Variants in COL21A1 observed in about 807,000 individuals in gnomAD.
COL21A1 encodes the protein collagen type XXI alpha 1 chain, also known as collagen alpha-1(XXI) chain.
COL21A1 carries 149 observed loss-of-function variants against 137.9 expected under a neutral mutation model. The observed-to-expected ratio is 1.08, with a 90% CI of 0.95 to 1.24. The LOEUF (loss-of-function observed/expected upper bound fraction) is 1.24, where lower values mean the gene tolerates loss of function less well. COL21A1 is among the 50% of genes most tolerant of loss of function. The probability of loss-of-function intolerance (pLI) is 0.00; values close to 1 mark genes in which losing one functional copy is unlikely to be tolerated. For synonymous variants in COL21A1, 456 were observed against 391.5 expected (o/e 1.16, Z -1.95); for missense variants, 1,167 against 1,158.4 (o/e 1.01, Z -0.11).
At chr6:56,129,637 G>A (rs899787088) in intron 12 of COL21A1, among the ~76,000 whole-genome samples, 7 of 131,908 alleles carry the variant, frequency 5.3e-5, no homozygotes, top group Non-Finnish European at 1.2e-4. Flanking sequence ...TGTCACGTGC[G>A]TGCGTGTGTG....
chr6:56,188,694 G>A (rs1178973768), intron 1 of COL21A1, among the ~76,000 whole-genome samples: 1 of 152,216 alleles, frequency 6.6e-6, no homozygotes, highest in Non-Finnish European at 1.5e-5. Context: ...TGGGTCCCCA[G>A]TAGGGACCGA....
chr6:56,373,014 T>TAA (rs758684428), intron 1 of COL21A1, among the ~76,000 whole-genome samples: 2 of 143,314 alleles, frequency 1.4e-5, no homozygotes, highest in African/African-American at 2.6e-5. Flanking sequence ...GAAAGCAAAA[T>TAA]AAAAAAAAAA....
intron 12 of COL21A1, chr6:56,126,484 T>G: frequency 4.7e-6 from 1 of 212,766 alleles, no homozygotes; most frequent in Non-Finnish European, 9.2e-6. Flanking sequence ...CCCAACACAC[T>G]CAGGAAACAG....
chr6:56,108,229 A>G (rs954372601), intron 16 of COL21A1, among the ~76,000 whole-genome samples: 2 of 152,000 alleles, frequency 1.3e-5, no homozygotes, highest in African/African-American at 4.8e-5. Flanking sequence ...ACAAAATTAC[A>G]ACGTGAGTAT....
intron 1 of COL21A1, among the ~76,000 whole-genome samples, chr6:56,386,409 A>G (rs2094018332): frequency 6.6e-6 from 1 of 152,136 alleles, no homozygotes; most frequent in Non-Finnish European, 1.5e-5. Context: ...AGTTTCTTCT[A>G]TGTACAAGTG....
intron 3 of COL21A1, among the ~76,000 whole-genome samples, chr6:56,177,125 T>C (rs62413554): frequency 0.072 from 10,927 of 152,070 alleles, 442 homozygotes; most frequent in Middle Eastern, 0.12. Flanking sequence ...GTAGTAGTAC[T>C]AGCAGTAGTA....
At chr6:56,253,109 C>A (rs1201295469) in intron 1 of COL21A1, among the ~76,000 whole-genome samples, 3 of 152,178 alleles carry the variant, frequency 2.0e-5, no homozygotes, top group African/African-American at 7.2e-5. Flanking sequence ...CTCTTAGCAA[C>A]CTCTGATATT....
chr6:56,375,847 A>T (rs374432831), intron 1 of COL21A1, among the ~76,000 whole-genome samples: 1 of 152,176 alleles, frequency 6.6e-6, no homozygotes, highest in Non-Finnish European at 1.5e-5. Flanking sequence ...AGGGTAGCAG[A>T]CATATTGCAT....
intron 1 of COL21A1, among the ~76,000 whole-genome samples, chr6:56,379,187 A>C (rs1230054868): frequency 6.6e-6 from 1 of 152,252 alleles, no homozygotes; most frequent in Non-Finnish European, 1.5e-5. Context: ...AACATCTACA[A>C]GTATCAAGAC....
chr6:56,253,625 T>C (rs950915470), intron 1 of COL21A1, among the ~76,000 whole-genome samples: 5 of 152,202 alleles, frequency 3.3e-5, no homozygotes, highest in Admixed American at 2.6e-4. Context: ...TGAGCATTTT[T>C]TGTTTAAGCT....
At chr6:56,264,669 C>T (rs207466993) in intron 1 of COL21A1, among the ~76,000 whole-genome samples, 3 of 152,196 alleles carry the variant, frequency 2.0e-5, no homozygotes, top group African/African-American at 7.2e-5. Flanking sequence ...TTCAACATAT[C>T]AAAAACTGAA....
At chr6:56,258,523 AAGGTCAC>A (rs904669443) in intron 1 of COL21A1, among the ~76,000 whole-genome samples, 1 of 152,120 alleles carries the variant, frequency 6.6e-6, no homozygotes, top group Non-Finnish European at 1.5e-5. Flanking sequence ...GCCTCGGAGT[AAGGTCAC>A]AGCCTTATGA....
chr6:56,376,836 A>C (rs866339342), intron 1 of COL21A1, among the ~76,000 whole-genome samples: 5 of 98,900 alleles, frequency 5.1e-5, no homozygotes, highest in Non-Finnish European at 5.8e-5. Context: ...CCCACCCCCC[A>C]CCCCCCCCAA....
chr6:56,301,727 T>C (rs1017879300), intron 1 of COL21A1, among the ~76,000 whole-genome samples: 2 of 152,066 alleles, frequency 1.3e-5, no homozygotes, highest in Non-Finnish European at 2.9e-5. Flanking sequence ...TTTTCCATTA[T>C]ACTTTAAGTT....
At chr6:56,334,904 A>G (rs1399062387) in intron 1 of COL21A1, among the ~76,000 whole-genome samples, 1 of 152,156 alleles carries the variant, frequency 6.6e-6, no homozygotes, top group Non-Finnish European at 1.5e-5. Flanking sequence ...TTCTACCATC[A>G]AATATAGCAG....
chr6:56,079,962 A>C (rs1767606013), intron 17 of COL21A1, among the ~76,000 whole-genome samples: 1 of 151,860 alleles, frequency 6.6e-6, no homozygotes, highest in African/African-American at 2.4e-5. Flanking sequence ...TGCACAGAAT[A>C]CCAGCTTATT....
intron 1 of COL21A1, among the ~76,000 whole-genome samples, chr6:56,224,383 T>C (rs1262530791): frequency 6.6e-6 from 1 of 152,082 alleles, no homozygotes; most frequent in African/African-American, 2.4e-5. Context: ...AGAGAACAAA[T>C]AGCCATGTAT....
At chr6:56,067,887 T>G (rs1374686728) in intron 22 of COL21A1, among the ~76,000 whole-genome samples, 2 of 151,698 alleles carry the variant, frequency 1.3e-5, no homozygotes, top group African/African-American at 4.8e-5. Flanking sequence ...CTTGTTTTTA[T>G]AGATAATGAA....
At chr6:56,337,441 C>T (rs934001286) in intron 1 of COL21A1, among the ~76,000 whole-genome samples, 4 of 151,698 alleles carry the variant, frequency 2.6e-5, no homozygotes, top group Admixed American at 1.3e-4. Context: ...AAGTGTCACA[C>T]CACACTAAAA....
Sources: allele counts gnomAD v4.1 joint callset (sites outside exome capture counted in the v4.1 genomes callset), GRCh38; gene constraint gnomAD v4.1.1; transcripts MANE v1.5; gene names NCBI Gene and HGNC (gene_info 2026-07-23, HGNC 2026-07-21).